ILDR2: variants seen among roughly 807,000 people sequenced by gnomAD.
ILDR2 encodes the protein immunoglobulin-like domain-containing receptor 2.
ILDR2 carries 25 observed loss-of-function variants against 66.8 expected under a neutral mutation model. The ratio of observed to expected loss-of-function variants is 0.37; its 90% CI spans 0.27 to 0.52. The LOEUF (loss-of-function observed/expected upper bound fraction) is 0.52. ILDR2 is among the 20% of genes least tolerant of loss of function. The probability of loss-of-function intolerance (pLI) is 0.88; values close to 1 mark genes in which losing one functional copy is unlikely to be tolerated. For synonymous variants in ILDR2, 367 were observed against 357.2 expected (o/e 1.03, Z -0.31); for missense variants, 827 against 876.8 (o/e 0.94, Z 0.72).
intron 3 of ILDR2, among the ~76,000 whole-genome samples, chr1:166,954,823 C>T (rs1296970972): frequency 6.6e-6 from 1 of 152,170 alleles, no homozygotes; most frequent in African/African-American, 2.4e-5. Flanking sequence ...GAGGAATGCC[C>T]TTCATATACT....
intron 1 of ILDR2, among the ~76,000 whole-genome samples, chr1:166,974,394 T>G (rs950769749): frequency 6.6e-6 from 1 of 151,982 alleles, no homozygotes. Context: ...TGTGGGGAAA[T>G]AGGTTAAGAA....
chr1:166,899,450 G>A (rs1659226416), intron 2 of ILDR2, among the ~76,000 whole-genome samples: 2 of 152,032 alleles, frequency 1.3e-5, no homozygotes, highest in African/African-American at 4.8e-5. Context: ...TATCCTCAAG[G>A]AGTTTACAGT....
At chr1:166,943,594 T>C (rs1661447263) in intron 3 of ILDR2, among the ~76,000 whole-genome samples, 1 of 152,130 alleles carries the variant, frequency 6.6e-6, no homozygotes. Context: ...ATGCTGAATA[T>C]TTATGCTGAA....
Position 166,958,033 on chromosome 1 carries a change from C to T in ILDR2, c.115G>A (p.Val39Met). Residue 39 changes from valine (V) to methionine (M), a missense_variant, in exon 2 of 10, where the codon GTG (valine) becomes ATG (methionine). Val to Met is a conservative substitution (Grantham distance 21). Around this residue, in one of 2 missense-constraint regions of ILDR2, gnomAD observed 437 missense variants for 523.2 expected, o/e 0.84. Coordinates refer to ENST00000271417, the MANE Select transcript of ILDR2 (RefSeq NM_199351.3). ...GATGTTGAGAAGTGGCAGCGAAGCA[C>T]AGTGGGCTGGAAGAGCATGGCCACC... ...KKVAMLFQPT[V>M]LRCHFSTSSH... 1 of 1,614,114 alleles carries T rather than the reference C, an allele frequency of 6.2e-7. No individual in the cohort carries two copies. Among genetic ancestry groups the T allele is most frequent in the Non-Finnish European group, 8.5e-7 (1 of 1,180,000 alleles).
intron 3 of ILDR2, among the ~76,000 whole-genome samples, chr1:166,955,693 C>A (rs184620964): frequency 6.6e-6 from 1 of 152,270 alleles, no homozygotes; most frequent in Non-Finnish European, 1.5e-5. Flanking sequence ...GCCAAAGTCA[C>A]ACAATCATGA....
intron 2 of ILDR2, among the ~76,000 whole-genome samples, chr1:166,896,897 A>T (rs1300859294): frequency 3.3e-5 from 5 of 152,146 alleles, no homozygotes; most frequent in Non-Finnish European, 5.9e-5. Flanking sequence ...AGCCTCCCAA[A>T]GTGCTGGGAT....
At position 166,936,764 on chromosome 1, in the gene ILDR2, A is replaced by T; in HGVS notation, c.557-27T>A. The T allele has an allele frequency of 1.9e-6, 3 of 1,612,754 alleles. 1 individual carries two copies. In the South Asian group the frequency reaches 3.3e-5, roughly 18 times the overall value. ...TGGAAGGATGCACAAAGAAATCCAC[A>T]CTCGAGGCAGCCCACCTCCAGGGCA... On this transcript the variant is annotated intron_variant, in intron 4 of 9. Transcript: ENST00000271417. The surrounding 1 kb of genome is among the most constrained non-coding windows in gnomAD (Gnocchi z 5.0).
intron 3 of ILDR2, among the ~76,000 whole-genome samples, chr1:166,949,322 T>C (rs1334293764): frequency 6.6e-6 from 1 of 152,278 alleles, no homozygotes; most frequent in Non-Finnish European, 1.5e-5. Flanking sequence ...ACATATTTAA[T>C]ATCCAAATAC....
chr1:166,967,853 T>G (rs1663053274), intron 1 of ILDR2, among the ~76,000 whole-genome samples: 1 of 152,174 alleles, frequency 6.6e-6, no homozygotes. Flanking sequence ...GGAGGCACTT[T>G]GACACTCTCT....
intron 9 of ILDR2, 90 bp downstream of exon 9, chr1:166,920,617 C>T (rs1659859518): frequency 7.7e-7 from 1 of 1,300,968 alleles, no homozygotes; most frequent in Non-Finnish European, 9.8e-7. Context: ...GCCTCGCCAC[C>T]TCCCCGGCCC....
chr1:166,921,379 G>C lies in ILDR2; in HGVS notation c.1212C>G (p.Ser404Arg), dbSNP rs199574267. The C allele has an allele frequency of 1.2e-4, 184 of 1,558,324 alleles. No homozygotes were observed. The highest frequency in any genetic ancestry group is 1.3e-4 in the Non-Finnish European group (144 of 1,149,416). The change falls in exon 9 of 10, where the codon AGC becomes AGG. Residue 404 changes from serine to arginine, a missense_variant and splice_region_variant. Physicochemically the swap from Ser to Arg is moderately radical, Grantham distance 110. This residue lies in a region of ILDR2 where 437 missense variants were observed against 523.2 expected (regional missense o/e 0.84). Coordinates refer to ENST00000271417, the MANE Select transcript of ILDR2 (RefSeq NM_199351.3). This position sits in a 1 kb window ranked among gnomAD's most constrained non-coding sequence, Gnocchi z 5.3. ...GCATCTCCGACTTGGAGCGCGGCTG[G>C]CTGCGGGCAGAGAAGGAGGGGGTCA... ...NKEDRESFRH[S>R]QPRSKSEMLS...
Position 166,936,016 on chromosome 1 carries a change from A to C in ILDR2, c.704-539T>G, listed in dbSNP as rs938190403. On this transcript the variant is annotated intron_variant, in intron 5 of 9. Coordinates refer to ENST00000271417, the MANE Select transcript of ILDR2 (RefSeq NM_199351.3). This position sits in a 1 kb window ranked among gnomAD's most constrained non-coding sequence, Gnocchi z 5.0. ...GATAACTGGTGTGCCTCTCTCTTTC[A>C]AGATGTGTTTGGTTTATGGGAGGGG... Among the ~76,000 whole-genome samples, 5 of 152,174 alleles carry C rather than the reference A, an allele frequency of 3.3e-5. No homozygotes were observed. Among genetic ancestry groups the C allele is most frequent in the Admixed American group, 1.3e-4 (2 of 15,286 alleles).
intron 2 of ILDR2, among the ~76,000 whole-genome samples, chr1:166,898,598 C>G (rs907207848): frequency 4.6e-5 from 7 of 152,204 alleles, no homozygotes; most frequent in Non-Finnish European, 1.0e-4. Flanking sequence ...CTTTCCACCT[C>G]TTCTGGATAA....
At chr1:166,904,107 C>A (rs540238206), downstream of ILDR2, among the ~76,000 whole-genome samples, 1 of 152,322 alleles carries the variant, frequency 6.6e-6, no homozygotes, top group East Asian at 1.9e-4. Flanking sequence ...AAGCTCAGTG[C>A]CAAACCATTG....
Position 166,956,750 on chromosome 1 carries a change from A to T in ILDR2, c.482T>A (p.Val161Glu). The T allele has an allele frequency of 6.2e-7, 1 of 1,614,054 alleles. No homozygotes were observed. Among genetic ancestry groups the T allele is most frequent in the Non-Finnish European group, 8.5e-7 (1 of 1,179,952 alleles). ...TCACTTACCCAACACCAGCAGTTCCACTGAGTCCTCATTTTTCCCCTCCAG... is the reference window on the plus strand; with the variant it reads ...TCACTTACCCAACACCAGCAGTTCCTCTGAGTCCTCATTTTTCCCCTCCAG... Reference protein sequence around the residue: ...DDLEGKNEDSVELLVLGRTGL... With the variant: ...DDLEGKNEDSEELLVLGRTGL... The change falls in exon 3 of 10, where the codon GTG (valine) becomes GAG (glutamate). Residue 161 changes from valine (V) to glutamate (E), a missense_variant. Transcript: ENST00000271417.
intron 3 of ILDR2, among the ~76,000 whole-genome samples, chr1:166,944,172 A>C (rs1418743744): frequency 6.6e-6 from 1 of 152,198 alleles, no homozygotes; most frequent in Non-Finnish European, 1.5e-5. Context: ...TACCTATCTT[A>C]CCTATAAAAT....
chr1:166,920,829 C>T lies in ILDR2; in HGVS notation c.1762G>A (p.Asp588Asn), dbSNP rs1248252519. ...SSQDDQEDAS[D>N]DALPPYSELE... is the part of the protein sequence containing the mutation. ...TCGCTGTAGGGCGGCAGCGCGTCGT[C>T]GGACGCGTCCTCCTGGTCGTCCTGC... Residue 588 changes from aspartate to asparagine, a missense_variant, in exon 9 of 10, where the codon GAC (aspartate) becomes AAC (asparagine). By Grantham distance (23) the Asp-to-Asn change is conservative. Around this residue, in one of 2 missense-constraint regions of ILDR2, gnomAD observed 390 missense variants for 353.6 expected, o/e 1.10. Coordinates refer to ENST00000271417, the MANE Select transcript of ILDR2 (RefSeq NM_199351.3). 8 of 1,518,826 alleles carry T rather than the reference C, an allele frequency of 5.3e-6. No homozygotes were observed. The highest frequency in any genetic ancestry group is 7.0e-6 in the Non-Finnish European group (8 of 1,136,670). 94.1% of individuals were successfully genotyped at this position (1,518,826 alleles called of 1,614,324 possible).
rs553152574 is a variant in ILDR2, at chr1:166,935,599, C to T, written c.704-122G>A. ...GGATGTGTGTATGTGCATGTGTGAG[C>T]GTTTGTTCTTCTAAAACTGAACTGA... On this transcript the variant is annotated intron_variant, in intron 5 of 9. Coordinates refer to ENST00000271417, the MANE Select transcript of ILDR2 (RefSeq NM_199351.3). 252 of 840,662 alleles carry T rather than the reference C, an allele frequency of 3.0e-4. 4 individuals carry two copies. In the South Asian group the frequency reaches 3.6e-3, roughly 12 times the overall value. The allele number at this position is 840,662 out of a possible 1,614,324, so 52.1% of individuals were successfully genotyped here. A position where few individuals can be genotyped will look rare whatever the true frequency, so the allele number is the denominator to read the frequency against.
chr1:166,934,895 C>G (rs1288137774), intron 6 of ILDR2, among the ~76,000 whole-genome samples: 3 of 152,116 alleles, frequency 2.0e-5, no homozygotes, highest in Admixed American at 2.0e-4. Context: ...TCTGATTATC[C>G]TAATAAAGGT....
Sources: gnomAD v4.1 joint callset for allele counts (sites outside exome capture counted in the v4.1 genomes callset) on GRCh38, gnomAD v4.1.1 for gene constraint, gnomAD v4.1.1 regional missense constraint, Gnocchi (gnomAD v3.1) non-coding constraint, MANE v1.5 for transcripts, NCBI Gene and HGNC (gene_info 2026-07-23, HGNC 2026-07-21) for gene names.